The following TENM3 variants were observed in gnomAD, a reference collection of about 807,000 sequenced individuals.
TENM3 encodes the protein teneurin transmembrane protein 3.
In TENM3, 63 loss-of-function variants were observed where a neutral mutation model predicts 255.1. The observed-to-expected ratio is 0.25, with a 90% CI of 0.20 to 0.30. TENM3 has a LOEUF of 0.30. Ranked by LOEUF, TENM3 falls within the 10% of genes least tolerant of loss-of-function variation. TENM3 has a pLI of 1.00. For synonymous variants in TENM3, 1,306 were observed against 1,322.3 expected (o/e 0.99, Z 0.27); for missense variants, 2,929 against 3,461.1 (o/e 0.85, Z 3.86).
intron 1 of TENM3, among the ~76,000 whole-genome samples, chr4:182,160,237 C>CAA (rs1751046548): frequency 6.6e-6 from 1 of 151,632 alleles, no homozygotes; most frequent in Non-Finnish European, 1.5e-5. Flanking sequence ...CTCCTGACCT[C>CAA]GTGATCCGCC....
chr4:182,704,238 T>C (rs1406444410), intron 12 of TENM3, among the ~76,000 whole-genome samples: 1 of 152,206 alleles, frequency 6.6e-6, no homozygotes, highest in Non-Finnish European at 1.5e-5. Flanking sequence ...TCATCCCACA[T>C]GCAAAGGCTA....
At chr4:182,011,135 C>G in the TENM3 span, among the ~76,000 whole-genome samples, 2 of 152,222 alleles carry the variant, frequency 1.3e-5, no homozygotes, top group Admixed American at 1.3e-4. Context: ...CAGCCCTGAC[C>G]TTTTCTTGGA....
chr4:181,732,514 A>G, the TENM3 span, among the ~76,000 whole-genome samples: 1 of 152,188 alleles, frequency 6.6e-6, no homozygotes, highest in African/African-American at 2.4e-5. Context: ...ATAATGAAAA[A>G]GGATACCTTT....
chr4:182,014,711 T>TC, the TENM3 span, among the ~76,000 whole-genome samples: 54 of 152,098 alleles, frequency 3.6e-4, no homozygotes, highest in Non-Finnish European at 5.9e-4. Flanking sequence ...GATGGGGCAC[T>TC]GGGGAAGCGT....
the TENM3 span, among the ~76,000 whole-genome samples, chr4:181,453,364 C>G: frequency 6.6e-6 from 1 of 152,056 alleles, no homozygotes; most frequent in African/African-American, 2.4e-5. Context: ...TATATTTCAA[C>G]GTGGAGTTTT....
chr4:182,433,666 G>A (rs1362974764), intron 3 of TENM3, among the ~76,000 whole-genome samples: 1 of 152,250 alleles, frequency 6.6e-6, no homozygotes, highest in African/African-American at 2.4e-5. Flanking sequence ...TCTCAAGTCA[G>A]TAGCATTCAA....
the TENM3 span, among the ~76,000 whole-genome samples, chr4:181,494,102 A>G: frequency 6.6e-6 from 1 of 152,158 alleles, no homozygotes; most frequent in Admixed American, 6.5e-5. Flanking sequence ...CCATTAAGTA[A>G]CTTGTCAAGG....
At position 182,524,454 on chromosome 4, in the gene TENM3, C is replaced by T. The variant is rs547412434; in HGVS notation, c.512-76470C>T. Among the ~76,000 whole-genome samples, 4 of 149,670 alleles carry T rather than the reference C, an allele frequency of 2.7e-5. No individual in the cohort carries two copies. In the South Asian group the frequency reaches 6.4e-4, roughly 24 times the overall value. ...ACGGTTCACTCTATCCACCACCTCCCAGGCTCAAGCAATCTTTCTCAAGCC... is the reference window on the plus strand; with the variant it reads ...ACGGTTCACTCTATCCACCACCTCCTAGGCTCAAGCAATCTTTCTCAAGCC... On this transcript the variant is annotated intron_variant, in intron 3 of 27. Transcript: ENST00000511685.
the TENM3 span, among the ~76,000 whole-genome samples, chr4:181,592,679 G>C: frequency 2.8e-5 from 2 of 70,536 alleles, no homozygotes; most frequent in East Asian, 8.3e-4. Context: ...TTTTTTTTTT[G>C]GTCTCGGTTG....
the TENM3 span, among the ~76,000 whole-genome samples, chr4:181,962,780 G>T: frequency 6.6e-6 from 1 of 152,134 alleles, no homozygotes; most frequent in Non-Finnish European, 1.5e-5. Context: ...TTCTTGCCAG[G>T]TTCTTAGCGT....
At chr4:182,720,823 A>G (rs962293511) in intron 13 of TENM3, among the ~76,000 whole-genome samples, 1 of 143,972 alleles carries the variant, frequency 6.9e-6, no homozygotes, top group African/African-American at 2.6e-5. Context: ...GCTGGAGTGC[A>G]ATAGCATAGT....
At chr4:182,100,456 TATATATATATACACACACACACACAC>T in the TENM3 span, among the ~76,000 whole-genome samples, 19 of 117,218 alleles carry the variant, frequency 1.6e-4, no homozygotes, top group African/African-American at 5.8e-4. Flanking sequence ...AAAATATATA[TATATATATATACACACACACACACAC>T]ATATATATAT....
At chr4:182,794,116 T>C (rs1766315483) in intron 26 of TENM3, among the ~76,000 whole-genome samples, 1 of 152,194 alleles carries the variant, frequency 6.6e-6, no homozygotes, top group Non-Finnish European at 1.5e-5. Context: ...CACAAGTTTT[T>C]GAAATGACAT....
intron 3 of TENM3, among the ~76,000 whole-genome samples, chr4:182,409,330 T>C (rs1380551144): frequency 6.6e-6 from 1 of 152,234 alleles, no homozygotes. Flanking sequence ...ACTTCTGTTA[T>C]AACACAACTT....
chr4:181,966,497 G>T, the TENM3 span, among the ~76,000 whole-genome samples: 1 of 152,218 alleles, frequency 6.6e-6, no homozygotes, highest in Non-Finnish European at 1.5e-5. Context: ...CAGGCAGAAG[G>T]CTGAAAAATC....
chr4:181,952,469 T>C, the TENM3 span, among the ~76,000 whole-genome samples: 1 of 152,208 alleles, frequency 6.6e-6, no homozygotes, highest in African/African-American at 2.4e-5. Flanking sequence ...AATCAAATTA[T>C]GTTCTCATGT....
At chr4:182,374,094 G>A (rs914448754) in intron 3 of TENM3, among the ~76,000 whole-genome samples, 1 of 152,074 alleles carries the variant, frequency 6.6e-6, no homozygotes, top group African/African-American at 2.4e-5. Flanking sequence ...TCACGTGTGA[G>A]TTTCACACGT....
chr4:182,460,607 T>A (rs1774257504), intron 3 of TENM3, among the ~76,000 whole-genome samples: 1 of 152,208 alleles, frequency 6.6e-6, no homozygotes, highest in Non-Finnish European at 1.5e-5. Flanking sequence ...TAAATTTTAT[T>A]TTTTTAAATA....
chr4:182,245,827 G>T (rs7656126), intron 1 of TENM3, among the ~76,000 whole-genome samples: 60,859 of 152,090 alleles, frequency 0.4, 14,756 homozygotes, highest in African/African-American at 0.68. Flanking sequence ...CCGTTGATGA[G>T]CAATAAAACC....
Sources: gnomAD v4.1 joint callset for allele counts (sites outside exome capture counted in the v4.1 genomes callset) on GRCh38, gnomAD v4.1.1 for gene constraint, MANE v1.5 for transcripts, NCBI Gene and HGNC (gene_info 2026-07-23, HGNC 2026-07-21) for gene names.